FNDC3B: variants seen among roughly 807,000 people sequenced by gnomAD.
The protein encoded by FNDC3B is fibronectin type III domain containing 3B.
A neutral mutation model predicts 151.5 loss-of-function variants in FNDC3B; 12 were observed. That is an observed-to-expected ratio of 0.08 (90% CI 0.05 to 0.13). FNDC3B has a LOEUF of 0.13. Among genes scored for constraint, FNDC3B ranks in the 10% least tolerant of loss-of-function variants. The pLI is 1.00. For synonymous variants in FNDC3B, 528 were observed against 549.0 expected, an observed-to-expected ratio of 0.96 and a Z score of 0.54; for missense variants, 1,214 against 1,505.3, an observed-to-expected ratio of 0.81 and a Z score of 3.20.
intron 2 of FNDC3B, among the ~76,000 whole-genome samples, chr3:172,125,508 G>A (rs779282525): frequency 3.9e-5 from 6 of 152,132 alleles, no homozygotes; most frequent in Non-Finnish European, 8.8e-5. Context: ...TTCCTCCCCC[G>A]TGGGAGTCTC....
chr3:172,371,502 A>T (rs142450897), intron 23 of FNDC3B, among the ~76,000 whole-genome samples: 183 of 152,372 alleles, frequency 1.2e-3, no homozygotes, highest in African/African-American at 4.2e-3. Flanking sequence ...TCAAGAAGAT[A>T]TTACAGTCAA....
At position 172,394,874 on chromosome 3, in the gene FNDC3B, A is replaced by T. The variant is rs577290859; in HGVS notation, c.3304-2290A>T. ...GCTAGCAAACCCAATTCAACAACACATTAAAGGATCATCCACCATGATCAA... is the reference window on the plus strand; with the variant it reads ...GCTAGCAAACCCAATTCAACAACACTTTAAAGGATCATCCACCATGATCAA... On this transcript the variant is annotated intron_variant, in intron 25 of 25. Transcript: ENST00000415807. Among the ~76,000 whole-genome samples the T allele has an allele frequency of 3.9e-5, 6 of 152,286 alleles. No homozygotes were observed. In the East Asian group the frequency reaches 1.2e-3, roughly 29 times the overall value.
At chr3:172,179,518 A>G (rs1281446956) in intron 3 of FNDC3B, among the ~76,000 whole-genome samples, 2 of 152,126 alleles carry the variant, frequency 1.3e-5, no homozygotes, top group African/African-American at 4.8e-5. Context: ...TTCACTGTCT[A>G]CAACACACAC....
At chr3:172,354,590 G>A (rs1350425463) in intron 22 of FNDC3B, among the ~76,000 whole-genome samples, 1 of 151,744 alleles carries the variant, frequency 6.6e-6, no homozygotes, top group Non-Finnish European at 1.5e-5. Flanking sequence ...TGGGTATACT[G>A]TATAGTATTA....
At chr3:172,101,329 G>A (rs890654025) in intron 1 of FNDC3B, among the ~76,000 whole-genome samples, 6 of 152,150 alleles carry the variant, frequency 3.9e-5, no homozygotes, top group African/African-American at 1.2e-4. Flanking sequence ...GTGGTATTTC[G>A]TCAGAAGTGT....
chr3:172,145,087 T>G (rs1721835539), intron 3 of FNDC3B, among the ~76,000 whole-genome samples: 1 of 152,162 alleles, frequency 6.6e-6, no homozygotes, highest in South Asian at 2.1e-4. Flanking sequence ...GGTCGAAGCA[T>G]TCCATAATTT....
Position 172,295,512 on chromosome 3 carries a change from C to T in FNDC3B, c.999C>T (p.Tyr333=), listed in dbSNP as rs747352220. 6.2e-7 allele frequency: 1 copy of T among 1,612,940 alleles called. No homozygotes were observed. Among genetic ancestry groups the T allele is most frequent in the Non-Finnish European group, 8.5e-7 (1 of 1,179,440 alleles). ...KGRDGKYKII[Y]SGEELECNLK... Reference sequence around the variant, plus strand: ...GAGATGGAAAATACAAGATAATTTACAGGTTGTGTATGTTTCTATTGTTTT... The same window carrying T: ...GAGATGGAAAATACAAGATAATTTATAGGTTGTGTATGTTTCTATTGTTTT... The change falls in exon 8 of 26, where the codon TAC becomes TAT. Residue 333 remains tyrosine (Y), a splice_region_variant and synonymous_variant. Coordinates refer to ENST00000415807, the MANE Select transcript of FNDC3B (RefSeq NM_022763.4).
At chr3:172,195,862 C>T (rs1724795573) in intron 3 of FNDC3B, among the ~76,000 whole-genome samples, 1 of 152,136 alleles carries the variant, frequency 6.6e-6, no homozygotes, top group South Asian at 2.1e-4. Context: ...ACTTTTTGAC[C>T]TTAAATCAGT....
At chr3:172,110,019 A>G (rs1203588425) in intron 1 of FNDC3B, among the ~76,000 whole-genome samples, 1 of 152,168 alleles carries the variant, frequency 6.6e-6, no homozygotes, top group Non-Finnish European at 1.5e-5. Flanking sequence ...CAGAACCTGG[A>G]GTTAATGCCC....
At chr3:172,109,782 G>A (rs1393054586) in intron 1 of FNDC3B, among the ~76,000 whole-genome samples, 1 of 152,170 alleles carries the variant, frequency 6.6e-6, no homozygotes, top group Non-Finnish European at 1.5e-5. Context: ...ACGTAGTAGA[G>A]AAAAAGATTC....
At chr3:172,239,377 G>A (rs1727348263) in intron 4 of FNDC3B, among the ~76,000 whole-genome samples, 1 of 152,094 alleles carries the variant, frequency 6.6e-6, no homozygotes. Flanking sequence ...GGAATGACCT[G>A]GGATCCCACT....
rs1289537125 is a variant in FNDC3B, at chr3:172,247,595, T to C, written c.327T>C (p.Tyr109=). ...VVVTPQSPEC[Y]PPSYPSAMSP... ...TCACACCCCAGTCTCCTGAGTGTTA[T>C]CCCCCAAGCTACCCCTCAGCCATGT... The change falls in exon 5 of 26, where the codon TAT becomes TAC. Residue 109 remains tyrosine (Y), a synonymous_variant. Coordinates refer to ENST00000415807, the MANE Select transcript of FNDC3B (RefSeq NM_022763.4). The C allele has an allele frequency of 3.1e-6, 5 of 1,613,858 alleles. No individual in the cohort carries two copies. The South Asian group carries it at 5.5e-5, about 18-fold the overall frequency.
At chr3:172,125,565 C>G (rs529551002) in intron 2 of FNDC3B, among the ~76,000 whole-genome samples, 326 of 152,258 alleles carry the variant, frequency 2.1e-3, no homozygotes, top group Non-Finnish European at 3.7e-3. Flanking sequence ...TCTTCCCAAA[C>G]CCCGTCCTTC....
chr3:172,095,879 C>T (rs1245753974), intron 1 of FNDC3B, among the ~76,000 whole-genome samples: 1 of 151,854 alleles, frequency 6.6e-6, no homozygotes, highest in Admixed American at 6.6e-5. Flanking sequence ...GTTATTTCCC[C>T]CTACAAACAA....
intron 7 of FNDC3B, among the ~76,000 whole-genome samples, chr3:172,293,829 A>G (rs968626536): frequency 2.6e-5 from 4 of 152,228 alleles, no homozygotes; most frequent in African/African-American, 9.6e-5. Flanking sequence ...TTCATTTTCC[A>G]TATTTATTAT....
At chr3:172,218,162 GC>G (rs1335761045) in intron 3 of FNDC3B, among the ~76,000 whole-genome samples, 1 of 145,470 alleles carries the variant, frequency 6.9e-6, no homozygotes, top group Non-Finnish European at 1.5e-5. Flanking sequence ...AAAAAAAAGG[GC>G]TGGTCCTTTG....
chr3:172,041,437 CCTTCCTTCCTTCCTTCT>C (rs1435120891), intron 1 of FNDC3B, among the ~76,000 whole-genome samples: 1 of 145,882 alleles, frequency 6.9e-6, no homozygotes, highest in African/African-American at 2.6e-5. Flanking sequence ...TTCCTTCCTT[CCTTCCTTCCTTCCTTCT>C]CTTCTCCTCC....
intron 23 of FNDC3B, among the ~76,000 whole-genome samples, chr3:172,377,202 G>A (rs1735193561): frequency 6.6e-6 from 1 of 152,210 alleles, no homozygotes; most frequent in Admixed American, 6.5e-5. Flanking sequence ...TGAAGACAGT[G>A]GATTGTCCTC....
At chr3:172,330,469 A>G (rs1438888765) in intron 12 of FNDC3B, 72 bp from the exon 13 acceptor site, 6 of 1,377,742 alleles carry the variant, frequency 4.4e-6, no homozygotes, top group Non-Finnish European at 6.0e-6. Flanking sequence ...GTGCAGGCTG[A>G]GCCTTCCTCT....
Sources: allele counts gnomAD v4.1 joint callset (sites outside exome capture counted in the v4.1 genomes callset), GRCh38; gene constraint gnomAD v4.1.1; transcripts MANE v1.5; gene names NCBI Gene and HGNC (gene_info 2026-07-23, HGNC 2026-07-21).